Variants in KIF20B observed in about 807,000 individuals in gnomAD.
KIF20B encodes kinesin family member 20B.
Under a neutral mutation model 232.5 loss-of-function variants are expected in KIF20B, and 188 were observed. The ratio of observed to expected loss-of-function variants is 0.81; its 90% CI spans 0.72 to 0.91. KIF20B has a LOEUF of 0.91. KIF20B is among the 40% of genes least tolerant of loss of function. The pLI, the probability that KIF20B is intolerant of heterozygous loss-of-function variation, is 0.00. For missense variants in KIF20B, 2,154 were observed against 2,055.9 expected, an observed-to-expected ratio of 1.05 and a Z score of -0.92; for synonymous variants, 712 against 683.0, an observed-to-expected ratio of 1.04 and a Z score of -0.66.
intron 29 of KIF20B, among the ~76,000 whole-genome samples, chr10:89,763,731 A>T (rs1012935259): frequency 4.0e-5 from 6 of 151,888 alleles, no homozygotes; most frequent in African/African-American, 1.2e-4. Flanking sequence ...GAGGTTTCTG[A>T]TCCTGTTTTC....
Position 89,727,997 on chromosome 10 carries a change from A to T in KIF20B, c.2271+101A>T, listed in dbSNP as rs1843227094. On this transcript the variant is annotated intron_variant, in intron 17 of 32. Transcript: ENST00000371728. Reference sequence around the variant, plus strand: ...TTATTTTAAAAAATAATTAAACAGTAATATAGTCTCTTGGTATGCATGGGG... The same window carrying T: ...TTATTTTAAAAAATAATTAAACAGTTATATAGTCTCTTGGTATGCATGGGG... 8.4e-6 allele frequency: 9 copies of T among 1,072,112 alleles called. No individual in the cohort carries two copies. In the South Asian group the frequency reaches 1.6e-4, roughly 19 times the overall value. 66.4% of individuals were successfully genotyped at this position (1,072,112 alleles called of 1,614,324 possible).
Position 89,774,718 on chromosome 10 carries a change from T to C in KIF20B, c.*670T>C, listed in dbSNP as rs1230944164. ...ACATTCTTTAGATCATTTAAAAATATACAAGTAAGTTATTATTGATTATAG... is the reference window on the plus strand; with the variant it reads ...ACATTCTTTAGATCATTTAAAAATACACAAGTAAGTTATTATTGATTATAG... On this transcript the variant is annotated 3_prime_UTR_variant, in exon 33 of 33. Coordinates refer to ENST00000371728, the MANE Select transcript of KIF20B (RefSeq NM_001284259.2). 6.6e-6 allele frequency: 1 copy of C among 151,996 alleles called. No individual in the cohort carries two copies. Among genetic ancestry groups the C allele is most frequent in the Non-Finnish European group, 1.5e-5 (1 of 67,934 alleles). The allele number at this position is 151,996 out of a possible 1,614,324, so 9.4% of individuals were successfully genotyped here.
intron 5 of KIF20B, 96 bp downstream of exon 5, chr10:89,710,161 C>A: frequency 1.8e-6 from 2 of 1,090,448 alleles, no homozygotes; most frequent in South Asian, 1.8e-5. Context: ...TTGCTATTAC[C>A]TAGTATGCGT....
At chr10:89,728,194 G>A (rs995298780) in intron 17 of KIF20B, among the ~76,000 whole-genome samples, 7 of 151,998 alleles carry the variant, frequency 4.6e-5, no homozygotes, top group African/African-American at 1.7e-4. Context: ...GTACTTAGAA[G>A]ACATTACACC....
intron 23 of KIF20B, among the ~76,000 whole-genome samples, chr10:89,746,216 G>A (rs901503364): frequency 1.1e-4 from 16 of 152,176 alleles, no homozygotes; most frequent in African/African-American, 3.9e-4. Context: ...GGCGGCTTGT[G>A]TTAATCAGCT....
chr10:89,750,008 G>A (rs116740182), intron 23 of KIF20B, among the ~76,000 whole-genome samples: 2,555 of 152,182 alleles, frequency 0.017, 89 homozygotes, highest in African/African-American at 0.058. Context: ...ATCTGTCTCA[G>A]ACTTCTTTAC....
chr10:89,704,933 G>C (rs1040394903), intron 1 of KIF20B, among the ~76,000 whole-genome samples: 1 of 152,216 alleles, frequency 6.6e-6, no homozygotes, highest in Non-Finnish European at 1.5e-5. Flanking sequence ...CTAAGTAGAT[G>C]ACACAAGGTT....
rs757544279 is a variant in KIF20B at position 89,719,667 on chromosome 10, A to G, written c.1683A>G (p.Leu561=). ...TTGATGAAGATCTAGATAAAACATTAGAGGAAAATAAGGCTTTCATTAGCC... is the reference window on the plus strand; with the variant it reads ...TTGATGAAGATCTAGATAAAACATTGGAGGAAAATAAGGCTTTCATTAGCC... ...KLLDEDLDKT[L]EENKAFISHE... The change falls in exon 13 of 33, where the codon TTA becomes TTG. Residue 561 remains leucine (L), a synonymous_variant. Transcript: ENST00000371728. 7 of 1,609,830 alleles carry G rather than the reference A, an allele frequency of 4.3e-6. No homozygotes were observed. The African/African-American group carries it at 9.4e-5, about 22-fold the overall frequency.
chr10:89,709,453 T>C lies in KIF20B; in HGVS notation c.343T>C (p.Phe115Leu), dbSNP rs1210117148. The C allele has an allele frequency of 6.2e-7, 1 of 1,607,964 alleles. No individual in the cohort carries two copies. Among genetic ancestry groups the C allele is most frequent in the East Asian group, 2.2e-5 (1 of 44,806 alleles). The change falls in exon 4 of 33, where the codon TTT becomes CTT. Residue 115 changes from phenylalanine (F) to leucine (L), a missense_variant. Phe to Leu is a conservative substitution (Grantham distance 22). Transcript: ENST00000371728. Reference protein sequence around the residue: ...SSGQMAQKFSFSKVFGPATTQ... With the variant: ...SSGQMAQKFSLSKVFGPATTQ... Reference sequence around the variant, plus strand: ...AGGGCAGATGGCACAGAAATTCAGTTTTTCCAAGGTAAAACTGAAGTGTTT... The same window carrying C: ...AGGGCAGATGGCACAGAAATTCAGTCTTTCCAAGGTAAAACTGAAGTGTTT...
In KIF20B at chr10:89,743,879, G is replaced by C; in HGVS notation, c.3987G>C (p.Gln1329His). 1 of 1,591,084 alleles carries C rather than the reference G, an allele frequency of 6.3e-7. No homozygotes were observed. Among genetic ancestry groups the C allele is most frequent in the East Asian group, 2.3e-5 (1 of 43,488 alleles). ...KINELEKKKNQCSQELDMKQR... is the reference protein window; with the variant it reads ...KINELEKKKNHCSQELDMKQR... ...ATGAACTGGAGAAAAAGAAAAACCA[G>C]TGTTCTCAGGAATTAGATATGAAAC... is the stretch of plus-strand genomic sequence containing the variant. Residue 1329 changes from glutamine to histidine, a missense_variant, in exon 22 of 33, where the codon CAG (glutamine) becomes CAC (histidine). Gln to His is a conservative substitution (Grantham distance 24). Coordinates refer to ENST00000371728, the MANE Select transcript of KIF20B (RefSeq NM_001284259.2).
At chr10:89,715,433 G>T (rs562386201) in intron 8 of KIF20B, among the ~76,000 whole-genome samples, 4 of 143,700 alleles carry the variant, frequency 2.8e-5, no homozygotes, top group African/African-American at 1.1e-4. Flanking sequence ...GAAAAGCTGT[G>T]TATGGTTATG....
At chr10:89,721,420 C>T (rs1192501465) in intron 13 of KIF20B, among the ~76,000 whole-genome samples, 2 of 152,074 alleles carry the variant, frequency 1.3e-5, no homozygotes, top group Non-Finnish European at 2.9e-5. Context: ...ACCTGTAATT[C>T]GAGCACTTTG....
chr10:89,742,733 TC>T (rs1212964897), intron 21 of KIF20B, among the ~76,000 whole-genome samples: 1 of 133,802 alleles, frequency 7.5e-6, no homozygotes, highest in Non-Finnish European at 1.5e-5. Flanking sequence ...GGAGTCTCAC[TC>T]TGTTGCCCAG....
At chr10:89,765,157 C>T (rs1371307310) in intron 29 of KIF20B, among the ~76,000 whole-genome samples, 1 of 152,016 alleles carries the variant, frequency 6.6e-6, no homozygotes, top group Non-Finnish European at 1.5e-5. Flanking sequence ...ATAGGGAATC[C>T]TTTCCCCATT....
intron 18 of KIF20B, among the ~76,000 whole-genome samples, chr10:89,729,769 A>G (rs913319419): frequency 4.6e-5 from 7 of 152,230 alleles, no homozygotes; most frequent in Non-Finnish European, 1.0e-4. Flanking sequence ...ACAAATTTAG[A>G]TAATTTCATA....
At chr10:89,765,353 G>A (rs1251741614) in intron 29 of KIF20B, among the ~76,000 whole-genome samples, 1 of 152,140 alleles carries the variant, frequency 6.6e-6, no homozygotes, top group Non-Finnish European at 1.5e-5. Context: ...TCTTCAAGAA[G>A]AACTACAAAC....
intron 12 of KIF20B, among the ~76,000 whole-genome samples, chr10:89,719,102 A>G (rs1268362359): frequency 2.0e-5 from 3 of 152,180 alleles, no homozygotes; most frequent in Non-Finnish European, 4.4e-5. Flanking sequence ...ATTAATGAGT[A>G]TTTTTGGAAT....
At chr10:89,772,874 G>T (rs777960394) in intron 32 of KIF20B, 43 bp downstream of exon 32, 1 of 1,507,422 alleles carries the variant, frequency 6.6e-7, no homozygotes, top group Non-Finnish European at 8.9e-7. Flanking sequence ...AACTGTTCGT[G>T]TTCTTTTTAA....
intron 23 of KIF20B, among the ~76,000 whole-genome samples, chr10:89,748,364 C>T (rs777714589): frequency 2.0e-5 from 3 of 152,146 alleles, no homozygotes; most frequent in Non-Finnish European, 2.9e-5. Context: ...GATACAGACT[C>T]CTCTCCTCCT....
Sources: gnomAD v4.1 joint callset for allele counts (sites outside exome capture counted in the v4.1 genomes callset) on GRCh38, gnomAD v4.1.1 for gene constraint, MANE v1.5 for transcripts, NCBI Gene and HGNC (gene_info 2026-07-23, HGNC 2026-07-21) for gene names.